PIK3R3: variants seen among roughly 807,000 people sequenced by gnomAD.
PIK3R3 encodes phosphatidylinositol 3-kinase regulatory subunit gamma.
A neutral mutation model predicts 62.9 loss-of-function variants in PIK3R3; 64 were observed. That is an observed-to-expected ratio of 1.02 (90% CI 0.83 to 1.25). PIK3R3 has a LOEUF of 1.25. Among genes scored for constraint, PIK3R3 ranks in the 50% most tolerant of loss-of-function variants. The pLI, the probability that PIK3R3 is intolerant of heterozygous loss-of-function variation, is 0.00. For synonymous variants in PIK3R3, 165 were observed against 189.0 expected, an observed-to-expected ratio of 0.87 and a Z score of 1.04; for missense variants, 614 against 561.6, an observed-to-expected ratio of 1.09 and a Z score of -0.94.
Position 46,046,536 on chromosome 1 carries a change from A to G in PIK3R3, c.1016+15T>C. On this transcript the variant is annotated intron_variant, in intron 8 of 9. Transcript: ENST00000262741. ...TAACAAAGCCCTCTGACAGAAAGGT[A>G]TAGAGAGAACTTACTCATCAGCATC... The G allele has an allele frequency of 6.4e-7, 1 of 1,554,846 alleles. No individual in the cohort carries two copies. The highest frequency in any genetic ancestry group is 8.9e-7 in the Non-Finnish European group (1 of 1,125,770).
the PIK3R3 span, among the ~76,000 whole-genome samples, chr1:46,159,712 G>T: frequency 3.3e-5 from 5 of 149,410 alleles, no homozygotes; most frequent in African/African-American, 1.2e-4. Context: ...CCTGCACCTG[G>T]TTCTCAACCC....
chr1:46,111,240 T>C (rs965298768), intron 1 of PIK3R3, among the ~76,000 whole-genome samples: 3 of 152,118 alleles, frequency 2.0e-5, no homozygotes, highest in Non-Finnish European at 4.4e-5. Context: ...GTGAATTAAG[T>C]ATTATTACTT....
chr1:46,133,585 T>G (rs1053795365), upstream of PIK3R3, among the ~76,000 whole-genome samples: 1 of 152,144 alleles, frequency 6.6e-6, no homozygotes, highest in Non-Finnish European at 1.5e-5. Flanking sequence ...ACTTGCCACC[T>G]TACCACTCAG....
chr1:46,098,615 T>C (rs1038460339), intron 1 of PIK3R3, among the ~76,000 whole-genome samples: 5 of 152,342 alleles, frequency 3.3e-5, no homozygotes, highest in African/African-American at 1.2e-4. Flanking sequence ...TGTCATTCCA[T>C]TTACATGAAA....
At position 46,043,594 on chromosome 1, in the gene PIK3R3, A is replaced by G; in HGVS notation, c.*79T>C. On this transcript the variant is annotated 3_prime_UTR_variant, in exon 10 of 10. Transcript: ENST00000262741. ...CTTGTGCAAAACAAGCAGTCTATGT[A>G]GAAAGAATGCCCTCATCGTAGTCTA... The G allele has an allele frequency of 8.0e-7, 1 of 1,245,822 alleles. No homozygotes were observed. Among genetic ancestry groups the G allele is most frequent in the Non-Finnish European group, 1.2e-6 (1 of 855,692 alleles). 77.2% of individuals were successfully genotyped at this position (1,245,822 alleles called of 1,614,324 possible).
At chr1:46,105,311 C>A in intron 1 of PIK3R3, 1 of 234,022 alleles carries the variant, frequency 4.3e-6, no homozygotes, top group Non-Finnish European at 8.3e-6. Flanking sequence ...ACCAACCTGG[C>A]CAACATGGTG....
intron 1 of PIK3R3, among the ~76,000 whole-genome samples, chr1:46,119,505 C>G (rs1369399878): frequency 6.6e-6 from 1 of 152,152 alleles, no homozygotes; most frequent in East Asian, 1.9e-4. Context: ...CGTTCTGATT[C>G]CAGAGACCCC....
intron 1 of PIK3R3, among the ~76,000 whole-genome samples, chr1:46,114,771 A>ATTTTTTT (rs60059325): frequency 2.0e-5 from 2 of 99,300 alleles, no homozygotes; most frequent in Admixed American, 1.2e-4. Flanking sequence ...AGCCTCACTA[A>ATTTTTTT]TTTTTTTTTT....
the PIK3R3 span, among the ~76,000 whole-genome samples, chr1:46,170,793 A>G: frequency 6.6e-6 from 1 of 152,162 alleles, no homozygotes; most frequent in African/African-American, 2.4e-5. Context: ...ACCTTTGCCT[A>G]TCCCCAGCAG....
At position 46,048,817 on chromosome 1, in the gene PIK3R3, A is replaced by G. The variant is rs1647182563; in HGVS notation, c.942-2192T>C. On this transcript the variant is annotated intron_variant, in intron 7 of 9. Coordinates refer to ENST00000262741, the MANE Select transcript of PIK3R3 (RefSeq NM_003629.4). The stretch of plus-strand genomic sequence containing the variant: ...ACTTAGGCAACTTTTCCAATCTCCT[A>G]AAAGTCCATTTCAAAGACTTATCTA... Among the ~76,000 whole-genome samples the G allele has an allele frequency of 2.0e-5, 3 of 152,220 alleles. No homozygotes were observed. The South Asian group carries it at 6.2e-4, about 32-fold the overall frequency.
rs1655661342 is a variant in PIK3R3 at position 46,132,093 on chromosome 1, G to C, written c.-141C>G. The C allele has an allele frequency of 7.7e-6, 11 of 1,429,464 alleles. No homozygotes were observed. The highest frequency in any genetic ancestry group is 2.6e-5 in the East Asian group (1 of 38,384). The allele number at this position is 1,429,464 out of a possible 1,614,324, so 88.5% of individuals were successfully genotyped here. A position where few individuals can be genotyped will look rare whatever the true frequency, so the allele number is the denominator to read the frequency against. On this transcript the variant is annotated 5_prime_UTR_variant, in exon 1 of 10. Coordinates refer to ENST00000262741, the MANE Select transcript of PIK3R3 (RefSeq NM_003629.4). ...GTTTTCCAACGGCCAGTACCAGTCC[G>C]GCCAAACTACCCGAACAGGGTCCTC...
intron 1 of PIK3R3, among the ~76,000 whole-genome samples, chr1:46,081,997 T>TATAAATAA (rs139367620): frequency 1.9e-4 from 29 of 151,764 alleles, no homozygotes; most frequent in African/African-American, 4.6e-4. Context: ...TTCATGCAGA[T>TATAAATAA]ATAAATAAAT....
At chr1:46,077,468 A>G in intron 3 of PIK3R3, 47 bp downstream of exon 3, 3 of 954,928 alleles carry the variant, frequency 3.1e-6, no homozygotes, top group Non-Finnish European at 5.1e-6. Context: ...ACCCAGAACT[A>G]AAATAACATC....
At chr1:46,049,746 G>A (rs1356736791) in intron 7 of PIK3R3, among the ~76,000 whole-genome samples, 1 of 152,184 alleles carries the variant, frequency 6.6e-6, no homozygotes, top group Non-Finnish European at 1.5e-5. Flanking sequence ...TGTGTAGGAG[G>A]TATGAATGAT....
Position 46,041,849 on chromosome 1 carries a change from C to T in PIK3R3, c.*1824G>A. 4.7e-6 allele frequency: 1 copy of T among 213,272 alleles called. No homozygotes were observed. The highest frequency in any genetic ancestry group is 5.8e-5 in the Admixed American group (1 of 17,104). The allele number at this position is 213,272 out of a possible 1,614,324, so 13.2% of individuals were successfully genotyped here. A position where few individuals can be genotyped will look rare whatever the true frequency, so the allele number is the denominator to read the frequency against. On this transcript the variant is annotated 3_prime_UTR_variant, in exon 10 of 10. Coordinates refer to ENST00000262741, the MANE Select transcript of PIK3R3 (RefSeq NM_003629.4). ...GAAAAAGCCAAAGAGAAGCACTTCC[C>T]TTTCTATCCTCGTCACTAGTAACTG...
At chr1:46,124,525 A>G (rs1175493990) in intron 1 of PIK3R3, among the ~76,000 whole-genome samples, 1 of 152,194 alleles carries the variant, frequency 6.6e-6, no homozygotes, top group African/African-American at 2.4e-5. Flanking sequence ...AGCTGGGTGC[A>G]GTGGCTCACA....
At chr1:46,132,936 C>A (rs1655756075), upstream of PIK3R3, 2 of 1,163,802 alleles carry the variant, frequency 1.7e-6, no homozygotes, top group Non-Finnish European at 2.2e-6. Flanking sequence ...CGGGCGCTGG[C>A]CGCACTCCAG....
At chr1:46,105,019 T>G (rs1326096974) in intron 1 of PIK3R3, 1 of 670,406 alleles carries the variant, frequency 1.5e-6, no homozygotes, top group African/African-American at 1.9e-5. Context: ...ACCAGAAACA[T>G]ACACCTGATT....
intron 7 of PIK3R3, among the ~76,000 whole-genome samples, chr1:46,049,557 T>C (rs1157994393): frequency 6.6e-6 from 1 of 152,144 alleles, no homozygotes; most frequent in Non-Finnish European, 1.5e-5. Context: ...TAGCCAGTGA[T>C]GAGATTACTG....
Sources: gnomAD v4.1 joint callset for allele counts (sites outside exome capture counted in the v4.1 genomes callset) on GRCh38, gnomAD v4.1.1 for gene constraint, MANE v1.5 for transcripts, NCBI Gene and HGNC (gene_info 2026-07-23, HGNC 2026-07-21) for gene names.